Variants in PSAPL1 observed in about 807,000 individuals in gnomAD.
PSAPL1 encodes prosaposin like 1.
For synonymous variants in PSAPL1, 351 were observed against 291.6 expected (o/e 1.20, Z -2.08); for missense variants, 814 against 688.8 (o/e 1.18, Z -2.03).
chr4:7,434,262 G>A lies in PSAPL1; in HGVS notation c.618C>T (p.Asp206=). ...ACTCACACTGCTCCTGGATGTTCAA[G>A]TCGGCCAAGGTCAAGTTGGACCGGA... The part of the protein sequence containing the change: ...EAVRSNLTLA[D]LNIQEQCESL... Residue 206 remains aspartate, a synonymous_variant, in exon 1 of 1, where the codon GAC becomes GAT. Transcript: ENST00000319098. 1 of 1,613,384 alleles carries A rather than the reference G, an allele frequency of 6.2e-7. No homozygotes were observed. The highest frequency in any genetic ancestry group is 8.5e-7 in the Non-Finnish European group (1 of 1,179,866).
rs1001457003 is a variant in PSAPL1 at position 7,430,587 on chromosome 4, G to C, written c.*2727C>G. 6.8e-6 allele frequency: 1 copy of C among 147,132 alleles called. No homozygotes were observed. The highest frequency in any genetic ancestry group is 1.5e-5 in the Non-Finnish European group (1 of 68,086). 9.1% of individuals were successfully genotyped at this position (147,132 alleles called of 1,614,324 possible). ...TGGCTGAAGGTGCAGGTACTTGCTCGGCTCTGGCAGCCCGGCGGGAGCCCT... is the reference window on the plus strand; with the variant it reads ...TGGCTGAAGGTGCAGGTACTTGCTCCGCTCTGGCAGCCCGGCGGGAGCCCT... On this transcript the variant is annotated 3_prime_UTR_variant, in exon 1 of 1. Transcript: ENST00000319098.
At position 7,433,754 on chromosome 4, in the gene PSAPL1, G is replaced by A. The variant is rs201082440; in HGVS notation, c.1126C>T (p.His376Tyr). The change falls in exon 1 of 1, where the codon CAT (histidine) becomes TAT (tyrosine). Residue 376 changes from histidine (H) to tyrosine (Y), a missense_variant. Transcript: ENST00000319098. ...CGNRRRARAVHDAYAIVPSPE... is the reference protein window; with the variant it reads ...CGNRRRARAVYDAYAIVPSPE... ...GACGGCACGATGGCATAGGCATCAT[G>A]GACTGCCCGGGCCCGCCTCCGGTTG... 1.1e-4 allele frequency: 172 copies of A among 1,613,326 alleles called. No individual in the cohort carries two copies. Among genetic ancestry groups the A allele is most frequent in the Middle Eastern group, 4.9e-4 (3 of 6,062 alleles).
At position 7,432,526 on chromosome 4, in the gene PSAPL1, G is replaced by A; in HGVS notation, c.*788C>T. 1 of 152,262 alleles carries A rather than the reference G, an allele frequency of 6.6e-6. No individual in the cohort carries two copies. The highest frequency in any genetic ancestry group is 1.5e-5 in the Non-Finnish European group (1 of 68,058). The allele number at this position is 152,262 out of a possible 1,614,324, so 9.4% of individuals were successfully genotyped here. A position where few individuals can be genotyped will look rare whatever the true frequency, so the allele number is the denominator to read the frequency against. ...GCCCTCGCTGCTCCACATCCCGGTGGCCACCCCAGACTCCTCCGGCTTTTC... is the reference window on the plus strand; with the variant it reads ...GCCCTCGCTGCTCCACATCCCGGTGACCACCCCAGACTCCTCCGGCTTTTC... On this transcript the variant is annotated 3_prime_UTR_variant, in exon 1 of 1. Coordinates refer to ENST00000319098, the MANE Select transcript of PSAPL1 (RefSeq NM_001085382.2).
Position 7,433,181 on chromosome 4 carries a change from G to T in PSAPL1, c.*133C>A, listed in dbSNP as rs1057219140. 2 of 955,176 alleles carry T rather than the reference G, an allele frequency of 2.1e-6. No individual in the cohort carries two copies. Among genetic ancestry groups the T allele is most frequent in the Non-Finnish European group, 1.4e-6 (1 of 714,630 alleles). 59.2% of individuals were successfully genotyped at this position (955,176 alleles called of 1,614,324 possible). A position where few individuals can be genotyped will look rare whatever the true frequency, so the allele number is the denominator to read the frequency against. On this transcript the variant is annotated 3_prime_UTR_variant, in exon 1 of 1. Coordinates refer to ENST00000319098, the MANE Select transcript of PSAPL1 (RefSeq NM_001085382.2). ...AGGCTTTCGGGATCAGGAATACTTG[G>T]TTTTGAACTTCAGCTCTGCTCCTTC...
chr4:7,433,489 T>A lies in PSAPL1; in HGVS notation c.1391A>T (p.Lys464Met). The change falls in exon 1 of 1, where the codon AAG (lysine) becomes ATG (methionine). Residue 464 changes from lysine to methionine, a missense_variant. Coordinates refer to ENST00000319098, the MANE Select transcript of PSAPL1 (RefSeq NM_001085382.2). ...GGGGCCGTGGCAGGCCCCCACCTTC[T>A]TGCACACAGCCACGGGGTCCATCAT... The part of the protein sequence containing the change: ...KDMMDPVAVC[K>M]KVGACHGPRT... 6.3e-7 allele frequency: 1 copy of A among 1,593,076 alleles called. No individual in the cohort carries two copies. Among genetic ancestry groups the A allele is most frequent in the South Asian group, 1.2e-5 (1 of 86,846 alleles).
At chr4:7,434,781 C>T in the PSAPL1 span, 397 of 1,612,068 alleles carry the variant, frequency 2.5e-4, 3 homozygotes, top group Middle Eastern at 1.6e-3. Flanking sequence ...GATCCTGACA[C>T]CACACCGTGG....
chr4:7,434,526 G>A lies in PSAPL1; in HGVS notation c.354C>T (p.Ile118=), dbSNP rs377475600. The part of the protein sequence containing the change: ...KWMVDAHSSA[I]LSMLRGAPDS... Reference sequence around the variant, plus strand: ...CCGGGGCCCCACGGAGCATGCTCAGGATGGCCGAACTGTGGGCATCCACCA... The same window carrying A: ...CCGGGGCCCCACGGAGCATGCTCAGAATGGCCGAACTGTGGGCATCCACCA... Residue 118 remains isoleucine, a synonymous_variant, in exon 1 of 1, where the codon ATC becomes ATT. Transcript: ENST00000319098. The A allele has an allele frequency of 1.7e-4, 278 of 1,612,970 alleles. No homozygotes were observed. Among genetic ancestry groups the A allele is most frequent in the Non-Finnish European group, 1.8e-4 (216 of 1,179,870 alleles).
rs753724636 is a variant in PSAPL1, at chr4:7,434,620, A to G, written c.260T>C (p.Ile87Thr). 7.4e-6 allele frequency: 12 copies of G among 1,613,456 alleles called. No individual in the cohort carries two copies. The highest frequency in any genetic ancestry group is 1.0e-5 in the Non-Finnish European group (12 of 1,179,722). ...ACAGGTCTTCATCACCAAAGCCAGG[A>G]TGTCAGACTCCGTGGCGTCAGGGTT... ...GLNPDATESD[I>T]LALVMKTCEW... is the part of the protein sequence containing the mutation. The change falls in exon 1 of 1, where the codon ATC becomes ACC. Residue 87 changes from isoleucine to threonine, a missense_variant. Transcript: ENST00000319098.
chr4:7,434,619 G>A lies in PSAPL1; in HGVS notation c.261C>T (p.Ile87=), dbSNP rs1220302952. The change falls in exon 1 of 1, where the codon ATC becomes ATT. Residue 87 remains isoleucine (I), a synonymous_variant. Transcript: ENST00000319098. The stretch of plus-strand genomic sequence containing the variant: ...CACAGGTCTTCATCACCAAAGCCAG[G>A]ATGTCAGACTCCGTGGCGTCAGGGT... ...GLNPDATESD[I]LALVMKTCEW... 4.3e-6 allele frequency: 7 copies of A among 1,613,424 alleles called. No homozygotes were observed. Among genetic ancestry groups the A allele is most frequent in the South Asian group, 1.1e-5 (1 of 90,920 alleles).
In PSAPL1 at chr4:7,433,954, A is replaced by G. The variant is rs749596701; in HGVS notation, c.926T>C (p.Met309Thr). The stretch of plus-strand genomic sequence containing the variant: ...GATCATGAGCTCAGAGCTGTTGGAC[A>G]TGAGCCAGTGGTCCAGCTTCTGCAC... ...NVVQKLDHWLMSNSSELMITH... is the reference protein window; with the variant it reads ...NVVQKLDHWLTSNSSELMITH... The change falls in exon 1 of 1, where the codon ATG (methionine) becomes ACG (threonine). Residue 309 changes from methionine to threonine, a missense_variant. Met to Thr is a moderately conservative substitution (Grantham distance 81, BLOSUM62 -1). Transcript: ENST00000319098. 10 of 1,613,738 alleles carry G rather than the reference A, an allele frequency of 6.2e-6. No individual in the cohort carries two copies. In the Admixed American group the frequency reaches 6.7e-5, roughly 11 times the overall value.
rs926616253 is a variant in PSAPL1 at position 7,434,564 on chromosome 4, C to G, written c.316G>C (p.Gly106Arg). 2.5e-6 allele frequency: 4 copies of G among 1,613,466 alleles called. No homozygotes were observed. Among genetic ancestry groups the G allele is most frequent in the Non-Finnish European group, 3.4e-6 (4 of 1,179,832 alleles). Residue 106 changes from glycine to arginine, a missense_variant, in exon 1 of 1, where the codon GGA (glycine) becomes CGA (arginine). Transcript: ENST00000319098. ...EWLPSQESSAGCKWMVDAHSS... is the reference protein window; with the variant it reads ...EWLPSQESSARCKWMVDAHSS... ...TGGGCATCCACCATCCACTTGCATC[C>G]GGCTGAAGACTCCTGGCTGGGGAGC...
Position 7,433,693 on chromosome 4 carries a change from C to T in PSAPL1, c.1187G>A (p.Cys396Tyr). 1.2e-6 allele frequency: 2 copies of T among 1,612,578 alleles called. No homozygotes were observed. The highest frequency in any genetic ancestry group is 1.7e-6 in the Non-Finnish European group (2 of 1,179,270). ...EWDAENQGSF[C>Y]NGCKRLLTVS... ...CGTGAGCAGCCTCTTGCACCCATTGCAGAAGCTGCCCTGGTTCTCCGCGTC... is the reference window on the plus strand; with the variant it reads ...CGTGAGCAGCCTCTTGCACCCATTGTAGAAGCTGCCCTGGTTCTCCGCGTC... Residue 396 changes from cysteine (C) to tyrosine (Y), a missense_variant, in exon 1 of 1, where the codon TGC becomes TAC. Cys to Tyr is a radical substitution (Grantham distance 194). Transcript: ENST00000319098.
chr4:7,433,775 G>A lies in PSAPL1; in HGVS notation c.1105C>T (p.Arg369Trp), dbSNP rs200019784. Reference sequence around the variant, plus strand: ...TCATGGACTGCCCGGGCCCGCCTCCGGTTGCCACACAGACGGATGAACTTG... The same window carrying A: ...TCATGGACTGCCCGGGCCCGCCTCCAGTTGCCACACAGACGGATGAACTTG... ...VCKFIRLCGN[R>W]RRARAVHDAY... The change falls in exon 1 of 1, where the codon CGG becomes TGG. Residue 369 changes from arginine (R) to tryptophan (W), a missense_variant. Transcript: ENST00000319098. 2.5e-5 allele frequency: 40 copies of A among 1,613,432 alleles called. No individual in the cohort carries two copies. The Middle Eastern group carries it at 4.9e-4, about 20-fold the overall frequency.
Position 7,433,808 on chromosome 4 carries a change from T to C in PSAPL1, c.1072A>G (p.Lys358Glu), listed in dbSNP as rs1206458690. ...VQLVAKITPE[K>E]VCKFIRLCGN... ...CACAGACGGATGAACTTGCACACCT[T>C]CTCTGGGGTGATTTTGGCCACAAGC... is the stretch of plus-strand genomic sequence containing the variant. Residue 358 changes from lysine to glutamate, a missense_variant, in exon 1 of 1, where the codon AAG becomes GAG. Transcript: ENST00000319098. 2 of 1,613,582 alleles carry C rather than the reference T, an allele frequency of 1.2e-6. No homozygotes were observed. The highest frequency in any genetic ancestry group is 2.7e-5 in the African/African-American group (2 of 74,918).
chr4:7,434,104 G>T lies in PSAPL1; in HGVS notation c.776C>A (p.Ala259Glu). 6.2e-7 allele frequency: 1 copy of T among 1,611,862 alleles called. No individual in the cohort carries two copies. Among genetic ancestry groups the T allele is most frequent in the African/African-American group, 1.3e-5 (1 of 75,010 alleles). Residue 259 changes from alanine to glutamate, a missense_variant, in exon 1 of 1, where the codon GCA becomes GAA. By Grantham distance (107) the Ala-to-Glu change is moderately radical (BLOSUM62 -1). Coordinates refer to ENST00000319098, the MANE Select transcript of PSAPL1 (RefSeq NM_001085382.2). The part of the protein sequence containing the change: ...RKGGFCEELG[A>E]PARLTQVVAM... ...CACTACTTGAGTCAAACGGGCAGGT[G>T]CCCCTAGCTCCTCACAGAATCCCCC...
In PSAPL1 at chr4:7,434,577, C is replaced by T. The variant is rs771107772; in HGVS notation, c.303G>A (p.Gln101=). ...VMKTCEWLPS[Q]ESSAGCKWMV... ...TCCACTTGCATCCGGCTGAAGACTC[C>T]TGGCTGGGGAGCCACTCACAGGTCT... Residue 101 remains glutamine (Q), a synonymous_variant, in exon 1 of 1, where the codon CAG becomes CAA. Coordinates refer to ENST00000319098, the MANE Select transcript of PSAPL1 (RefSeq NM_001085382.2). 1.9e-6 allele frequency: 3 copies of T among 1,613,482 alleles called. No individual in the cohort carries two copies. The highest frequency in any genetic ancestry group is 2.7e-5 in the African/African-American group (2 of 75,068).
chr4:7,432,499 T>G lies in PSAPL1; in HGVS notation c.*815A>C, dbSNP rs1342288983. 6.6e-6 allele frequency: 1 copy of G among 152,104 alleles called. No individual in the cohort carries two copies. The highest frequency in any genetic ancestry group is 2.4e-5 in the African/African-American group (1 of 41,418). The allele number at this position is 152,104 out of a possible 1,614,324, so 9.4% of individuals were successfully genotyped here. A position where few individuals can be genotyped will look rare whatever the true frequency, so the allele number is the denominator to read the frequency against. Reference sequence around the variant, plus strand: ...AGCTGGAGGGCTGTGTTCACCGTCTTTGCCCTCGCTGCTCCACATCCCGGT... The same window carrying G: ...AGCTGGAGGGCTGTGTTCACCGTCTGTGCCCTCGCTGCTCCACATCCCGGT... On this transcript the variant is annotated 3_prime_UTR_variant, in exon 1 of 1. Transcript: ENST00000319098.
At position 7,433,981 on chromosome 4, in the gene PSAPL1, A is replaced by C. The variant is rs776445661; in HGVS notation, c.899T>G (p.Val300Gly). ...GAGCCAGTGGTCCAGCTTCTGCACCACGTTCATGCACACCTCACAGGTCAC... is the reference window on the plus strand; with the variant it reads ...GAGCCAGTGGTCCAGCTTCTGCACCCCGTTCATGCACACCTCACAGGTCAC... ...AGVTCEVCMN[V>G]VQKLDHWLMS... The change falls in exon 1 of 1, where the codon GTG becomes GGG. Residue 300 changes from valine to glycine, a missense_variant. Val to Gly is a moderately radical substitution (Grantham distance 109). Transcript: ENST00000319098. 1 of 1,613,744 alleles carries C rather than the reference A, an allele frequency of 6.2e-7. No homozygotes were observed. The highest frequency in any genetic ancestry group is 1.7e-5 in the Admixed American group (1 of 60,018).
rs768409521 is a variant in PSAPL1 at position 7,433,474 on chromosome 4, C to A, written c.1406G>T (p.Cys469Phe). The change falls in exon 1 of 1, where the codon TGC becomes TTC. Residue 469 changes from cysteine (C) to phenylalanine (F), a missense_variant. Physicochemically the swap from Cys to Phe is radical, Grantham distance 205. Coordinates refer to ENST00000319098, the MANE Select transcript of PSAPL1 (RefSeq NM_001085382.2). The part of the protein sequence containing the change: ...PVAVCKKVGA[C>F]HGPRTPLLGT... The stretch of plus-strand genomic sequence containing the variant: ...CAGCAGTGGGGTCCTGGGGCCGTGG[C>A]AGGCCCCCACCTTCTTGCACACAGC... The A allele has an allele frequency of 2.5e-6, 4 of 1,574,282 alleles. No individual in the cohort carries two copies. Among genetic ancestry groups the A allele is most frequent in the Non-Finnish European group, 3.4e-6 (4 of 1,161,268 alleles).
Sources: allele counts gnomAD v4.1 joint callset, GRCh38; gene constraint gnomAD v4.1.1; transcripts MANE v1.5; gene names NCBI Gene and HGNC (gene_info 2026-07-23, HGNC 2026-07-21).